The following ZNF831 variants were observed in gnomAD, a reference collection of about 807,000 sequenced individuals.
ZNF831 encodes the protein zinc finger protein 831, also known as chromosome 20 open reading frame 174.
Under a neutral mutation model 95.8 loss-of-function variants are expected in ZNF831, and 59 were observed. The ratio of observed to expected loss-of-function variants is 0.62; its 90% CI spans 0.50 to 0.77. The LOEUF (loss-of-function observed/expected upper bound fraction) is 0.77, where lower values mean the gene tolerates loss of function less well. Ranked by LOEUF, ZNF831 falls within the 30% of genes least tolerant of loss-of-function variation. The pLI, the probability that ZNF831 is intolerant of heterozygous loss-of-function variation, is 0.00. For missense variants in ZNF831, 2,205 were observed against 2,164.0 expected (o/e 1.02, Z -0.38); for synonymous variants, 961 against 925.5 (o/e 1.04, Z -0.70).
intron 1 of ZNF831, among the ~76,000 whole-genome samples, chr20:59,141,707 C>T (rs1979685728): frequency 6.6e-6 from 1 of 152,184 alleles, no homozygotes. Flanking sequence ...GTTCCTTTGC[C>T]TTTCCATGTA....
chr20:59,124,609 C>T (rs181825511), intron 1 of ZNF831, among the ~76,000 whole-genome samples: 9 of 152,294 alleles, frequency 5.9e-5, no homozygotes, highest in East Asian at 3.9e-4. Context: ...TGTCCAGGAT[C>T]GTTGCTGTCT....
intron 3 of ZNF831, among the ~76,000 whole-genome samples, chr20:59,202,644 A>G (rs1984614981): frequency 6.6e-6 from 1 of 152,084 alleles, no homozygotes; most frequent in South Asian, 2.1e-4. Context: ...ACATACTGAG[A>G]GTATGCCTTT....
intron 1 of ZNF831, among the ~76,000 whole-genome samples, chr20:59,143,838 G>A (rs1979756740): frequency 6.6e-6 from 1 of 152,198 alleles, no homozygotes; most frequent in Admixed American, 6.5e-5. Flanking sequence ...TCCCCAACCA[G>A]GCTGGACACA....
intron 1 of ZNF831, among the ~76,000 whole-genome samples, chr20:59,124,590 G>T (rs1489613924): frequency 6.6e-6 from 1 of 152,152 alleles, no homozygotes; most frequent in Non-Finnish European, 1.5e-5. Flanking sequence ...CGCCTCCGTG[G>T]GTACAGCATG....
intron 4 of ZNF831, among the ~76,000 whole-genome samples, chr20:59,211,065 A>ACAAAAAAAAAAC (rs1985296667): frequency 3.9e-5 from 3 of 77,582 alleles, no homozygotes; most frequent in African/African-American, 1.6e-4. Context: ...AAAAAAAAAA[A>ACAAAAAAAAAAC]CAAATCCAAG....
At chr20:59,233,996 T>C (rs1986872810) in intron 4 of ZNF831, among the ~76,000 whole-genome samples, 1 of 152,240 alleles carries the variant, frequency 6.6e-6, no homozygotes, top group South Asian at 2.1e-4. Context: ...CTTCTACTTC[T>C]GATGATGAGC....
intron 4 of ZNF831, among the ~76,000 whole-genome samples, chr20:59,230,710 G>C (rs1986675429): frequency 6.6e-6 from 1 of 152,178 alleles, no homozygotes; most frequent in African/African-American, 2.4e-5. Flanking sequence ...GTGGTTGACA[G>C]ACATAGCAAA....
intron 2 of ZNF831, among the ~76,000 whole-genome samples, chr20:59,151,958 C>A (rs1263133941): frequency 6.6e-6 from 1 of 152,178 alleles, no homozygotes; most frequent in Admixed American, 6.5e-5. Flanking sequence ...ATAGCCTCAG[C>A]CACAGGTTGT....
In ZNF831 at chr20:59,207,184, G is replaced by A. The variant is rs560192077; in HGVS notation, c.4027+128G>A. The A allele has an allele frequency of 4.5e-6, 5 of 1,106,974 alleles. No homozygotes were observed. The South Asian group carries it at 7.9e-5, about 17-fold the overall frequency. The allele number at this position is 1,106,974 out of a possible 1,614,324, so 68.6% of individuals were successfully genotyped here. ...CCACAGGGGTCAGGCCCAAAAGGGA[G>A]AGTAACAGAGGCATGACGTCTATGA... On this transcript the variant is annotated intron_variant, in intron 4 of 5. Transcript: ENST00000371030.
At chr20:59,173,829 G>A (rs73306889) in intron 1 of ZNF831, among the ~76,000 whole-genome samples, 3,769 of 152,180 alleles carry the variant, frequency 0.025, 162 homozygotes, top group African/African-American at 0.082. Flanking sequence ...GAAACTTGGC[G>A]TAGGAATGAT....
At chr20:59,202,311 T>C (rs1771359944) in intron 3 of ZNF831, among the ~76,000 whole-genome samples, 1 of 150,454 alleles carries the variant, frequency 6.6e-6, no homozygotes, top group South Asian at 2.1e-4. Flanking sequence ...TGCACTTGAC[T>C]CTTATTTTCA....
At chr20:59,130,885 TTTGACAATG>T (rs1344015449) in intron 1 of ZNF831, among the ~76,000 whole-genome samples, 8 of 152,170 alleles carry the variant, frequency 5.3e-5, no homozygotes, top group Non-Finnish European at 1.0e-4. Context: ...CCAGTGGGAC[TTTGACAATG>T]GCTGAGCTCT....
In ZNF831 at chr20:59,202,274, A is replaced by G. The variant is rs1984584908; in HGVS notation, c.3876-4631A>G. On this transcript the variant is annotated intron_variant, in intron 3 of 5. Transcript: ENST00000371030. ...AAAAGTTTTATTTAATTATTTTTTT[A>G]ATTTGCTTGATCATTTTATAGTCTC... Among the ~76,000 whole-genome samples, 6 of 150,222 alleles carry G rather than the reference A, an allele frequency of 4.0e-5. No individual in the cohort carries two copies. In the South Asian group the frequency reaches 1.3e-3, roughly 32 times the overall value.
intron 4 of ZNF831, among the ~76,000 whole-genome samples, chr20:59,239,193 T>A (rs1987171257): frequency 6.6e-6 from 1 of 152,206 alleles, no homozygotes; most frequent in Non-Finnish European, 1.5e-5. Flanking sequence ...TTAATAAATT[T>A]TTATGATGGC....
chr20:59,208,584 G>A lies in ZNF831; in HGVS notation c.4027+1528G>A, dbSNP rs1200249490. ...TGCCAACTCAGGGTACCTGGGAATT[G>A]TGCACAGAATTGTGTGTGTGTGGGT... is the stretch of plus-strand genomic sequence containing the variant. On this transcript the variant is annotated intron_variant, in intron 4 of 5. Coordinates refer to ENST00000371030, the MANE Select transcript of ZNF831 (RefSeq NM_178457.3). This position sits in a 1 kb window ranked among gnomAD's most constrained non-coding sequence, Gnocchi z 4.2. Among the ~76,000 whole-genome samples, 2 of 152,200 alleles carry A rather than the reference G, an allele frequency of 1.3e-5. No individual in the cohort carries two copies. Among genetic ancestry groups the A allele is most frequent in the Non-Finnish European group, 2.9e-5 (2 of 68,024 alleles).
rs781462631 is a variant in ZNF831 at position 59,192,431 on chromosome 20, G to A, written c.1412G>A (p.Arg471His). ...PGRRRAPGPV[R>H]STWTPPDKSR... ...CGTAGGAGGGCCCCGGGCCCCGTGC[G>A]CTCCACCTGGACGCCCCCAGACAAG... The change falls in exon 2 of 6, where the codon CGC becomes CAC. Residue 471 changes from arginine to histidine, a missense_variant. Physicochemically the swap from Arg to His is conservative, Grantham distance 29 (BLOSUM62 0). Coordinates refer to ENST00000371030, the MANE Select transcript of ZNF831 (RefSeq NM_178457.3). The surrounding 1 kb of genome is among the most constrained non-coding windows in gnomAD (Gnocchi z 5.2). 1.1e-5 allele frequency: 17 copies of A among 1,608,404 alleles called. No individual in the cohort carries two copies. Among genetic ancestry groups the A allele is most frequent in the Non-Finnish European group, 1.4e-5 (16 of 1,177,812 alleles).
At chr20:59,168,508 A>G (rs1226864867) in intron 1 of ZNF831, among the ~76,000 whole-genome samples, 3 of 146,136 alleles carry the variant, frequency 2.1e-5, no homozygotes, top group Non-Finnish European at 4.5e-5. Context: ...GTAGACAATA[A>G]TCTCATCTGC....
intron 2 of ZNF831, among the ~76,000 whole-genome samples, chr20:59,151,370 G>A (rs1423110355): frequency 2.6e-5 from 4 of 152,194 alleles, no homozygotes; most frequent in Non-Finnish European, 4.4e-5. Flanking sequence ...CAGGACTGCA[G>A]ACCTTTGAGG....
At chr20:59,250,102 C>T (rs182334952) in intron 4 of ZNF831, among the ~76,000 whole-genome samples, 37 of 152,270 alleles carry the variant, frequency 2.4e-4, no homozygotes, top group East Asian at 1.7e-3. Flanking sequence ...ATTCCCACTC[C>T]GTTTCTACTT....
Sources: allele counts gnomAD v4.1 joint callset (sites outside exome capture counted in the v4.1 genomes callset), GRCh38; gene constraint gnomAD v4.1.1; non-coding constraint Gnocchi (gnomAD v3.1); transcripts MANE v1.5; gene names NCBI Gene and HGNC (gene_info 2026-07-23, HGNC 2026-07-21).